ADAM23: variants seen among roughly 807,000 people sequenced by gnomAD.
ADAM23 encodes disintegrin and metalloproteinase domain-containing protein 23.
ADAM23 carries 33 observed loss-of-function variants against 120.1 expected under a neutral mutation model. The observed-to-expected ratio is 0.27, with a 90% confidence interval of 0.21 to 0.37. ADAM23 has a LOEUF of 0.37. Among genes scored for constraint, ADAM23 ranks in the 10% least tolerant of loss-of-function variants. ADAM23 has a pLI of 1.00. For missense variants in ADAM23, 862 were observed against 1,058.2 expected (o/e 0.81, Z 2.57); for synonymous variants, 367 against 375.2 (o/e 0.98, Z 0.25).
At chr2:206,592,810 A>G in intron 22 of ADAM23, 74 bp downstream of exon 22, 1 of 1,521,580 alleles carries the variant, frequency 6.6e-7, no homozygotes, top group Non-Finnish European at 8.9e-7. Context: ...TTTCAAAAAA[A>G]TCAGAAATCA....
intron 4 of ADAM23, among the ~76,000 whole-genome samples, chr2:206,538,782 A>G (rs773643380): frequency 3.9e-4 from 60 of 152,102 alleles, no homozygotes; most frequent in Non-Finnish European, 1.0e-4. Flanking sequence ...TATTATCATT[A>G]TTATTTTTTA....
intron 2 of ADAM23, among the ~76,000 whole-genome samples, chr2:206,478,185 A>G (rs749963377): frequency 5.9e-5 from 9 of 151,906 alleles, no homozygotes; most frequent in South Asian, 2.1e-4. Context: ...TGCAGAATGT[A>G]TAGCAATGGA....
intron 18 of ADAM23, among the ~76,000 whole-genome samples, chr2:206,581,713 G>A (rs1271023591): frequency 6.6e-6 from 1 of 152,136 alleles, no homozygotes; most frequent in African/African-American, 2.4e-5. Flanking sequence ...TGGATGAAAT[G>A]TTCTGTATAT....
At chr2:206,553,036 A>G (rs769762391) in intron 9 of ADAM23, among the ~76,000 whole-genome samples, 3 of 152,252 alleles carry the variant, frequency 2.0e-5, no homozygotes, top group Admixed American at 6.5e-5. Context: ...AAACAAGGAA[A>G]AAGAATTGTA....
rs571615571 is a variant in ADAM23, at chr2:206,596,140, C to T, written c.2337C>T (p.Pro779=). 1.2e-6 allele frequency: 2 copies of T among 1,613,852 alleles called. No individual in the cohort carries two copies. The highest frequency in any genetic ancestry group is 2.2e-5 in the South Asian group (2 of 91,044). The change falls in exon 24 of 26, where the codon CCC becomes CCT. Residue 779 remains proline (P), a synonymous_variant. Transcript: ENST00000264377. Reference sequence around the variant, plus strand: ...GGGATCCAGTTAGGAACCTTCACCCCCCCAAGGATGAAGGACCCAAGGGTT... The same window carrying T: ...GGGATCCAGTTAGGAACCTTCACCCTCCCAAGGATGAAGGACCCAAGGGTT... ...SIRDPVRNLH[P]PKDEGPKGPS...
intron 14 of ADAM23, among the ~76,000 whole-genome samples, chr2:206,565,799 A>C (rs1697864484): frequency 6.6e-6 from 1 of 152,076 alleles, no homozygotes; most frequent in Admixed American, 6.5e-5. Flanking sequence ...ACACCTGCTC[A>C]ACACACCAAC....
At chr2:206,548,225 A>C in intron 7 of ADAM23, 56 bp from the exon 8 acceptor site, 1 of 1,501,026 alleles carries the variant, frequency 6.7e-7, no homozygotes, top group Non-Finnish European at 9.2e-7. Flanking sequence ...ATATTTTAAA[A>C]CATACTCCCA....
intron 1 of ADAM23, 110 bp downstream of exon 1, chr2:206,444,190 C>G: frequency 3.7e-6 from 3 of 805,466 alleles, no homozygotes; most frequent in Non-Finnish European, 5.0e-6. Context: ...CTCGGCCTTT[C>G]CTTCCCTCCC....
At chr2:206,475,900 A>G (rs1364458879) in intron 2 of ADAM23, among the ~76,000 whole-genome samples, 1 of 152,216 alleles carries the variant, frequency 6.6e-6, no homozygotes, top group Non-Finnish European at 1.5e-5. Context: ...GTATGCAACA[A>G]GATAAAGGAA....
intron 3 of ADAM23, among the ~76,000 whole-genome samples, chr2:206,523,946 A>T (rs1696895212): frequency 6.6e-6 from 1 of 152,144 alleles, no homozygotes; most frequent in South Asian, 2.1e-4. Flanking sequence ...GGCTCCATGA[A>T]GTTGAGAGTC....
chr2:206,504,906 G>C (rs1028251527), intron 3 of ADAM23, among the ~76,000 whole-genome samples: 2 of 152,158 alleles, frequency 1.3e-5, no homozygotes, highest in South Asian at 4.1e-4. Context: ...TGTACCGTCT[G>C]TACCTAAATA....
intron 20 of ADAM23, among the ~76,000 whole-genome samples, chr2:206,588,956 G>A (rs1484495372): frequency 6.6e-6 from 1 of 152,118 alleles, no homozygotes; most frequent in Non-Finnish European, 1.5e-5. Flanking sequence ...CAAAACTCAG[G>A]TGCCAACATA....
intron 3 of ADAM23, among the ~76,000 whole-genome samples, chr2:206,513,895 G>A (rs549860648): frequency 8.5e-5 from 13 of 152,276 alleles, no homozygotes; most frequent in Non-Finnish European, 1.3e-4. Context: ...TCCATAAATG[G>A]AACAACAAAG....
intron 24 of ADAM23, chr2:206,606,536 A>G (rs955892128): frequency 1.3e-5 from 2 of 152,228 alleles, no homozygotes; most frequent in Non-Finnish European, 2.9e-5. Context: ...CTGTATAACC[A>G]TAAGTGAACA....
chr2:206,594,257 C>A (rs920853974), intron 22 of ADAM23, among the ~76,000 whole-genome samples: 4 of 151,920 alleles, frequency 2.6e-5, no homozygotes, highest in African/African-American at 9.7e-5. Context: ...TAGAAAATAA[C>A]TGATTTGTTT....
chr2:206,588,230 G>GTGCATCTCTCTCAGCA, intron 20 of ADAM23, 76 bp downstream of exon 20: 1 of 1,474,822 alleles, frequency 6.8e-7, no homozygotes, highest in Non-Finnish European at 9.4e-7. Context: ...CAGTCTTGCT[G>GTGCATCTCTCTCAGCA]AGAGAGATGC....
At chr2:206,614,960 T>C (rs953570997) in intron 25 of ADAM23, among the ~76,000 whole-genome samples, 7 of 152,078 alleles carry the variant, frequency 4.6e-5, no homozygotes, top group African/African-American at 1.7e-4. Context: ...GATCGGTGCA[T>C]TTCCCTGCCC....
Position 206,549,041 on chromosome 2 carries a change from G to A in ADAM23, c.867+687G>A, listed in dbSNP as rs548450599. Among the ~76,000 whole-genome samples the A allele has an allele frequency of 3.3e-5, 5 of 152,026 alleles. No homozygotes were observed. The East Asian group carries it at 9.7e-4, about 29-fold the overall frequency. Reference sequence around the variant, plus strand: ...ATGGGGACTGTTTAGTAATTACATGGTGAATGCTATGTAACTGAGAATTAA... The same window carrying A: ...ATGGGGACTGTTTAGTAATTACATGATGAATGCTATGTAACTGAGAATTAA... On this transcript the variant is annotated intron_variant, in intron 8 of 25. Transcript: ENST00000264377.
At chr2:206,614,675 A>G (rs1489801425) in intron 25 of ADAM23, among the ~76,000 whole-genome samples, 1 of 152,168 alleles carries the variant, frequency 6.6e-6, no homozygotes, top group African/African-American at 2.4e-5. Context: ...AGTTATCTGA[A>G]TGTCAAGTCA....
Sources: gnomAD v4.1 joint callset for allele counts (sites outside exome capture counted in the v4.1 genomes callset) on GRCh38, gnomAD v4.1.1 for gene constraint, MANE v1.5 for transcripts, NCBI Gene and HGNC (gene_info 2026-07-23, HGNC 2026-07-21) for gene names.